PLOD1: variants seen among roughly 807,000 people sequenced by gnomAD.
PLOD1 encodes procollagen-lysine,2-oxoglutarate 5-dioxygenase 1.
Under a neutral mutation model 94.7 loss-of-function variants are expected in PLOD1, and 70 were observed. The observed-to-expected ratio is 0.74, with a 90% CI of 0.61 to 0.90. The LOEUF (loss-of-function observed/expected upper bound fraction) is 0.90, where lower values mean the gene tolerates loss of function less well. PLOD1 is among the 40% of genes least tolerant of loss of function. The pLI is 0.00. For synonymous variants in PLOD1, 417 were observed against 400.2 expected, an observed-to-expected ratio of 1.04 and a Z score of -0.50; for missense variants, 905 against 972.7, an observed-to-expected ratio of 0.93 and a Z score of 0.93.
In PLOD1 at chr1:11,964,795, G is replaced by T. The variant is rs762714338; in HGVS notation, c.1470+10G>T. On this transcript the variant is annotated intron_variant, in intron 13 of 18. Transcript: ENST00000196061. Reference sequence around the variant, plus strand: ...CAACATCCGGCAGCAGGTCAGCCAGGAGCGGGCAGCACAGGACGCCCTCTG... The same window carrying T: ...CAACATCCGGCAGCAGGTCAGCCAGTAGCGGGCAGCACAGGACGCCCTCTG... 1 of 1,613,404 alleles carries T rather than the reference G, an allele frequency of 6.2e-7. No homozygotes were observed. Among genetic ancestry groups the T allele is most frequent in the Admixed American group, 1.7e-5 (1 of 60,024 alleles).
At chr1:11,952,412 A>G (rs1415465876) in intron 4 of PLOD1, among the ~76,000 whole-genome samples, 2 of 152,232 alleles carry the variant, frequency 1.3e-5, no homozygotes, top group Non-Finnish European at 2.9e-5. Flanking sequence ...TCTTGGGGTC[A>G]TTAGGAACTC....
In PLOD1 at chr1:11,957,409, CTG is replaced by C. The variant is rs1645746707; in HGVS notation, c.741+396_741+397del. ...CCTGCATTCATGGTGACAGAAGGGA[CTG>C]GGTGCAGATGCGGCCAGGGACAGAA... is the stretch of plus-strand genomic sequence containing the variant. On this transcript the variant is annotated intron_variant, in intron 7 of 18. Coordinates refer to ENST00000196061, the MANE Select transcript of PLOD1 (RefSeq NM_000302.4). The surrounding 1 kb of genome is among the most constrained non-coding windows in gnomAD (Gnocchi z 4.1). 6.6e-6 allele frequency among the ~76,000 whole-genome samples: 1 copy of C among 152,190 alleles called. No homozygotes were observed. The highest frequency in any genetic ancestry group is 6.5e-5 in the Admixed American group (1 of 15,272).
chr1:11,944,366 G>A (rs1240155080), intron 1 of PLOD1, among the ~76,000 whole-genome samples: 1 of 151,194 alleles, frequency 6.6e-6, no homozygotes, highest in Non-Finnish European at 1.5e-5. Flanking sequence ...CCCCACCCCT[G>A]CTGCTGGAGT....
At chr1:11,944,689 T>G (rs1395439648) in intron 1 of PLOD1, 2 of 1,297,818 alleles carry the variant, frequency 1.5e-6, no homozygotes, top group African/African-American at 3.1e-5. Context: ...TTCCCACACC[T>G]GCCTGGTGTA....
chr1:11,962,914 G>A (rs942747001), intron 10 of PLOD1, among the ~76,000 whole-genome samples: 2 of 152,004 alleles, frequency 1.3e-5, no homozygotes, highest in South Asian at 4.2e-4. Context: ...GGTGGTGCAC[G>A]CCTCTAATCC....
chr1:11,937,044 C>T (rs1645584385), intron 1 of PLOD1, among the ~76,000 whole-genome samples: 1 of 151,990 alleles, frequency 6.6e-6, no homozygotes, highest in South Asian at 2.1e-4. Context: ...GACGGGGTTT[C>T]ACCATGTTGG....
chr1:11,957,317 C>T lies in PLOD1; in HGVS notation c.741+303C>T. On this transcript the variant is annotated intron_variant, in intron 7 of 18. Transcript: ENST00000196061. The surrounding 1 kb of genome is among the most constrained non-coding windows in gnomAD (Gnocchi z 4.1). ...TCACCCCAGGGCAGAGTCACTTATT[C>T]ACTCAGTAAACCTTTATTTCATGTT... 1.7e-6 allele frequency: 1 copy of T among 579,696 alleles called. No individual in the cohort carries two copies. The highest frequency in any genetic ancestry group is 1.8e-5 in the African/African-American group (1 of 54,752). 35.9% of individuals were successfully genotyped at this position (579,696 alleles called of 1,614,324 possible).
At chr1:11,938,156 T>G in intron 1 of PLOD1, among the ~76,000 whole-genome samples, 1 of 111,570 alleles carries the variant, frequency 9.0e-6, no homozygotes, top group South Asian at 3.4e-4. Context: ...TTTTGCAATG[T>G]TAGCCAGGCT....
chr1:11,951,920 AAAAT>A (rs144286387), intron 4 of PLOD1, among the ~76,000 whole-genome samples: 10,416 of 152,134 alleles, frequency 0.068, 422 homozygotes, highest in East Asian at 0.14. Context: ...CATTGTCTTA[AAAAT>A]AAATAAATAA....
At chr1:11,970,363 G>A (rs938107417) in intron 16 of PLOD1, among the ~76,000 whole-genome samples, 4 of 152,208 alleles carry the variant, frequency 2.6e-5, no homozygotes, top group African/African-American at 2.4e-5. Flanking sequence ...GGCCTGGAAG[G>A]TTGAGGCTGC....
In PLOD1 at chr1:11,972,908, C is replaced by A; in HGVS notation, c.1939C>A (p.Pro647Thr). The A allele has an allele frequency of 6.2e-7, 1 of 1,614,098 alleles. No homozygotes were observed. The highest frequency in any genetic ancestry group is 8.5e-7 in the Non-Finnish European group (1 of 1,179,978). Residue 647 changes from proline to threonine, a missense_variant, in exon 18 of 19, where the codon CCT (proline) becomes ACT (threonine). Physicochemically the swap from Pro to Thr is conservative, Grantham distance 38. Transcript: ENST00000196061. This position sits in a 1 kb window ranked among gnomAD's most constrained non-coding sequence, Gnocchi z 4.6. ...CCTGGCCTTTGTCGTCCGCTACAAG[C>A]CTGATGAGCAGCCCTCACTGATGCC... ...FDLAFVVRYK[P>T]DEQPSLMPHH... is the part of the protein sequence containing the mutation.
chr1:11,950,434 C>T lies in PLOD1; in HGVS notation c.380C>T (p.Ser127Phe). ...CAGGCCAGGAGCCAGGTGGTCTTCT[C>T]TGCTGAGGAGCTCATCTACCCAGAC... ...FRQARSQVVF[S>F]AEELIYPDRR... Residue 127 changes from serine (S) to phenylalanine (F), a missense_variant, in exon 4 of 19, where the codon TCT becomes TTT. Ser to Phe is a radical substitution (Grantham distance 155, BLOSUM62 -2). Coordinates refer to ENST00000196061, the MANE Select transcript of PLOD1 (RefSeq NM_000302.4). The T allele has an allele frequency of 6.2e-7, 1 of 1,614,200 alleles. No individual in the cohort carries two copies. Among genetic ancestry groups the T allele is most frequent in the Non-Finnish European group, 8.5e-7 (1 of 1,180,018 alleles).
In PLOD1 at chr1:11,972,628, T is replaced by A; in HGVS notation, c.1903-244T>A. ...CTCCCTTCCTCCCTCCCTCCCTTCC[T>A]TTCTTCCTTCCCCTCTGTTCTCTTC... On this transcript the variant is annotated intron_variant, in intron 17 of 18. Coordinates refer to ENST00000196061, the MANE Select transcript of PLOD1 (RefSeq NM_000302.4). This position sits in a 1 kb window ranked among gnomAD's most constrained non-coding sequence, Gnocchi z 4.6. The A allele has an allele frequency of 1.0e-5, 4 of 396,654 alleles. No individual in the cohort carries two copies. Among genetic ancestry groups the A allele is most frequent in the Non-Finnish European group, 1.4e-5 (3 of 208,032 alleles). 24.6% of individuals were successfully genotyped at this position (396,654 alleles called of 1,614,324 possible). A position where few individuals can be genotyped will look rare whatever the true frequency, so the allele number is the denominator to read the frequency against.
In PLOD1 at chr1:11,952,725, C is replaced by G. The variant is rs375416784; in HGVS notation, c.569C>G (p.Pro190Arg). ...QLFYTKIFLD[P>R]EKREQINITL... is the part of the protein sequence containing the mutation. ...TTTTACACCAAGATCTTCTTGGACCCGGAGAAGAGGGTAAGAGGCAGTGGG... is the reference window on the plus strand; with the variant it reads ...TTTTACACCAAGATCTTCTTGGACCGGGAGAAGAGGGTAAGAGGCAGTGGG... The change falls in exon 5 of 19, where the codon CCG becomes CGG. Residue 190 changes from proline (P) to arginine (R), a missense_variant. Coordinates refer to ENST00000196061, the MANE Select transcript of PLOD1 (RefSeq NM_000302.4). 8.1e-6 allele frequency: 13 copies of G among 1,611,142 alleles called. No individual in the cohort carries two copies. Among genetic ancestry groups the G allele is most frequent in the South Asian group, 4.4e-5 (4 of 91,028 alleles).
chr1:11,974,053 A>T (rs1645885068), intron 18 of PLOD1, among the ~76,000 whole-genome samples: 2 of 152,098 alleles, frequency 1.3e-5, no homozygotes, highest in African/African-American at 4.8e-5. Context: ...CATCTCATTT[A>T]ATTCTCACTA....
chr1:11,959,120 G>A (rs200090411), intron 9 of PLOD1, among the ~76,000 whole-genome samples: 2 of 152,036 alleles, frequency 1.3e-5, no homozygotes, highest in South Asian at 2.1e-4. Flanking sequence ...CAGGAGAATC[G>A]CTTGAACCTG....
Position 11,957,898 on chromosome 1 carries a change from C to G in PLOD1, c.798C>G (p.Gly266=). Reference sequence around the variant, plus strand: ...CGCGCTTCTGGACCTTCGAAACAGGCTGCACCGTGTGTGACGAAGGCTTGC... The same window carrying G: ...CGCGCTTCTGGACCTTCGAAACAGGGTGCACCGTGTGTGACGAAGGCTTGC... ...YIPRFWTFET[G]CTVCDEGLRS... is the part of the protein sequence containing the mutation. The change falls in exon 8 of 19, where the codon GGC becomes GGG. Residue 266 remains glycine, a synonymous_variant. Coordinates refer to ENST00000196061, the MANE Select transcript of PLOD1 (RefSeq NM_000302.4). The surrounding 1 kb of genome is among the most constrained non-coding windows in gnomAD (Gnocchi z 4.1). 1 of 1,614,064 alleles carries G rather than the reference C, an allele frequency of 6.2e-7. No individual in the cohort carries two copies. Among genetic ancestry groups the G allele is most frequent in the Non-Finnish European group, 8.5e-7 (1 of 1,179,932 alleles).
intron 1 of PLOD1, among the ~76,000 whole-genome samples, chr1:11,946,536 T>A (rs1035293533): frequency 6.6e-6 from 1 of 152,196 alleles, no homozygotes; most frequent in African/African-American, 2.4e-5. Flanking sequence ...TGAGATAGAT[T>A]AGCAATGTCT....
chr1:11,942,955 C>A (rs958712673), intron 1 of PLOD1, among the ~76,000 whole-genome samples: 1 of 151,782 alleles, frequency 6.6e-6, no homozygotes, highest in African/African-American at 2.4e-5. Flanking sequence ...CCCAAGGAAC[C>A]CGGGAGTTTT....
Sources: allele counts gnomAD v4.1 joint callset (sites outside exome capture counted in the v4.1 genomes callset), GRCh38; gene constraint gnomAD v4.1.1; non-coding constraint Gnocchi (gnomAD v3.1); transcripts MANE v1.5; gene names NCBI Gene and HGNC (gene_info 2026-07-23, HGNC 2026-07-21).